The following AUTS2 variants were observed in gnomAD, a reference collection of about 807,000 sequenced individuals.
AUTS2 encodes the protein activator of transcription and developmental regulator AUTS2.
A neutral mutation model predicts 112.4 loss-of-function variants in AUTS2; 17 were observed. The observed-to-expected ratio is 0.15, with a 90% CI of 0.10 to 0.23. The LOEUF is 0.23. Ranked by LOEUF, AUTS2 falls within the 10% of genes least tolerant of loss-of-function variation. The pLI, the probability that AUTS2 is intolerant of heterozygous loss-of-function variation, is 1.00. For missense variants in AUTS2, 1,510 were observed against 1,701.6 expected, an observed-to-expected ratio of 0.89 and a Z score of 1.98; for synonymous variants, 751 against 702.7, an observed-to-expected ratio of 1.07 and a Z score of -1.09.
intron 1 of AUTS2, among the ~76,000 whole-genome samples, chr7:69,696,196 C>A (rs1797554831): frequency 6.6e-6 from 1 of 152,198 alleles, no homozygotes; most frequent in African/African-American, 2.4e-5. Flanking sequence ...CCTCGGTGCA[C>A]CTCTAGCAGC....
intron 1 of AUTS2, among the ~76,000 whole-genome samples, chr7:69,789,964 A>G (rs1383022304): frequency 6.6e-6 from 1 of 152,146 alleles, no homozygotes; most frequent in Non-Finnish European, 1.5e-5. Context: ...TTGAAGAACT[A>G]AATATATCTC....
chr7:70,236,221 A>C (rs1228991897), intron 4 of AUTS2, among the ~76,000 whole-genome samples: 1 of 152,194 alleles, frequency 6.6e-6, no homozygotes, highest in Non-Finnish European at 1.5e-5. Flanking sequence ...ATTTCTAGAA[A>C]ATTTTAAAAC....
intron 4 of AUTS2, among the ~76,000 whole-genome samples, chr7:70,329,682 T>C (rs930002061): frequency 2.0e-5 from 3 of 150,850 alleles, no homozygotes; most frequent in African/African-American, 2.4e-5. Flanking sequence ...TAGATACATA[T>C]GATTTGCAAA....
At chr7:69,929,611 T>G (rs981398503) in intron 2 of AUTS2, among the ~76,000 whole-genome samples, 1 of 152,212 alleles carries the variant, frequency 6.6e-6, no homozygotes, top group Non-Finnish European at 1.5e-5. Context: ...CACCAGTCTT[T>G]TCTTCTGCTA....
chr7:69,768,191 C>T (rs1176768141), intron 1 of AUTS2, among the ~76,000 whole-genome samples: 3 of 152,124 alleles, frequency 2.0e-5, no homozygotes, highest in African/African-American at 7.2e-5. Context: ...GACCATGGCC[C>T]GAAATAGCCG....
chr7:69,770,008 T>G (rs1788593338), intron 1 of AUTS2, among the ~76,000 whole-genome samples: 1 of 152,216 alleles, frequency 6.6e-6, no homozygotes, highest in Non-Finnish European at 1.5e-5. Context: ...GGTGTGAATG[T>G]GAAATTCAAG....
chr7:69,816,352 T>C (rs1790761860), intron 1 of AUTS2, among the ~76,000 whole-genome samples: 1 of 152,230 alleles, frequency 6.6e-6, no homozygotes, highest in African/African-American at 2.4e-5. Context: ...GTACTTTCTT[T>C]TATGTGTTAA....
chr7:70,355,554 C>T (rs933786951), intron 4 of AUTS2, among the ~76,000 whole-genome samples: 2 of 152,120 alleles, frequency 1.3e-5, no homozygotes, highest in Non-Finnish European at 2.9e-5. Flanking sequence ...CCACCTCCCT[C>T]TCTCTCCTGG....
Position 70,575,057 on chromosome 7 carries a change from G to A in AUTS2, c.691-123512G>A, listed in dbSNP as rs561312272. ...TGCTGGGTAATCGTTCCGCTCGGTTGCATAACCAGAAAGGGATGTGTCAGG... is the reference window on the plus strand; with the variant it reads ...TGCTGGGTAATCGTTCCGCTCGGTTACATAACCAGAAAGGGATGTGTCAGG... On this transcript the variant is annotated intron_variant, in intron 5 of 18. Coordinates refer to ENST00000342771, the MANE Select transcript of AUTS2 (RefSeq NM_015570.4). Among the ~76,000 whole-genome samples the A allele has an allele frequency of 1.5e-3, 232 of 152,330 alleles. 1 individual carries two copies. The highest frequency in any genetic ancestry group is 3.4e-3 in the Middle Eastern group (1 of 294).
intron 1 of AUTS2, among the ~76,000 whole-genome samples, chr7:69,619,842 T>G (rs1793575539): frequency 6.6e-6 from 1 of 152,128 alleles, no homozygotes; most frequent in Non-Finnish European, 1.5e-5. Flanking sequence ...GTGGGTGGTG[T>G]TACATTCTGG....
intron 1 of AUTS2, among the ~76,000 whole-genome samples, chr7:69,792,789 G>A (rs1789673154): frequency 6.6e-6 from 1 of 152,056 alleles, no homozygotes; most frequent in African/African-American, 2.4e-5. Context: ...TACATTACCA[G>A]GCTTCATCAA....
Position 69,821,831 on chromosome 7 carries a change from G to A in AUTS2, c.310-77455G>A, listed in dbSNP as rs147826337. On this transcript the variant is annotated intron_variant, in intron 1 of 18. Transcript: ENST00000342771. The stretch of plus-strand genomic sequence containing the variant: ...CTCCAGAGGCTGAGGTGAGAGGATC[G>A]ATTGAGCTCAGGAGGTTGAGGCTGC... Among the ~76,000 whole-genome samples, 1,043 of 150,140 alleles carry A rather than the reference G, an allele frequency of 6.9e-3. 44 individuals carry two copies. The highest frequency in any genetic ancestry group is 0.05 in the Admixed American group (749 of 14,988).
At chr7:69,760,503 A>C (rs993399221) in intron 1 of AUTS2, among the ~76,000 whole-genome samples, 10 of 152,104 alleles carry the variant, frequency 6.6e-5, no homozygotes, top group Non-Finnish European at 1.3e-4. Flanking sequence ...TAAATCCTAC[A>C]TACAAAGAGC....
intron 1 of AUTS2, among the ~76,000 whole-genome samples, chr7:69,708,020 G>A (rs761444906): frequency 1.3e-5 from 2 of 152,042 alleles, no homozygotes; most frequent in Non-Finnish European, 2.9e-5. Flanking sequence ...TCTTCCTCTC[G>A]GTCGTTGCTT....
At chr7:70,597,479 C>T (rs117192073) in intron 5 of AUTS2, among the ~76,000 whole-genome samples, 2,055 of 152,264 alleles carry the variant, frequency 0.013, 22 homozygotes, top group Non-Finnish European at 0.023. Flanking sequence ...ATGTTGATAG[C>T]TGAAGGGGAT....
intron 5 of AUTS2, among the ~76,000 whole-genome samples, chr7:70,474,382 C>A (rs1474470653): frequency 3.3e-5 from 5 of 152,192 alleles, no homozygotes; most frequent in Non-Finnish European, 7.3e-5. Context: ...TCAGTCAGGT[C>A]CAGATGCTTC....
At chr7:70,031,031 T>C (rs1800753343) in intron 2 of AUTS2, among the ~76,000 whole-genome samples, 1 of 152,064 alleles carries the variant, frequency 6.6e-6, no homozygotes, top group South Asian at 2.1e-4. Flanking sequence ...GTTGAAAGAT[T>C]TTAAGAAAGA....
chr7:69,759,253 G>T (rs1307194661), intron 1 of AUTS2, among the ~76,000 whole-genome samples: 5 of 151,372 alleles, frequency 3.3e-5, no homozygotes, highest in Non-Finnish European at 7.4e-5. Context: ...TCAGGTTTTT[G>T]ATTTTTTTTT....
Position 69,722,200 on chromosome 7 carries a change from A to G in AUTS2, c.309+122238A>G, listed in dbSNP as rs141297113. 6.1e-3 allele frequency among the ~76,000 whole-genome samples: 923 copies of G among 152,050 alleles called. 8 individuals carry two copies. Among genetic ancestry groups the G allele is most frequent in the East Asian group, 0.016 (85 of 5,186 alleles). ...ATTCTGTTTATGGATGTATAGCAAT[A>G]TATTGTGTATAGGTGGTGGCTATTA... On this transcript the variant is annotated intron_variant, in intron 1 of 18. Transcript: ENST00000342771.
Sources: allele counts gnomAD v4.1 joint callset (sites outside exome capture counted in the v4.1 genomes callset), GRCh38; gene constraint gnomAD v4.1.1; transcripts MANE v1.5; gene names NCBI Gene and HGNC (gene_info 2026-07-23, HGNC 2026-07-21).